Variants in ABCC4 observed in about 807,000 individuals in gnomAD.
ABCC4 encodes ATP-binding cassette sub-family C member 4.
ABCC4 carries 102 observed loss-of-function variants against 168.5 expected under a neutral mutation model. The ratio of observed to expected loss-of-function variants is 0.61; its 90% CI spans 0.52 to 0.71. ABCC4 has a LOEUF of 0.71. Ranked by LOEUF, ABCC4 falls within the 30% of genes least tolerant of loss-of-function variation. The probability of loss-of-function intolerance (pLI) is 0.00; values close to 1 mark genes in which losing one functional copy is unlikely to be tolerated. For synonymous variants in ABCC4, 617 were observed against 590.7 expected (o/e 1.04, Z -0.65); for missense variants, 1,402 against 1,605.8 (o/e 0.87, Z 2.17).
At chr13:95,296,667 C>T (rs7982930) in intron 1 of ABCC4, among the ~76,000 whole-genome samples, 2,656 of 152,272 alleles carry the variant, frequency 0.017, 69 homozygotes, top group African/African-American at 0.059. Context: ...CGTTGTTAGC[C>T]TCCACCCTGC....
At chr13:95,117,072 A>C (rs2035402995) in intron 19 of ABCC4, among the ~76,000 whole-genome samples, 1 of 152,164 alleles carries the variant, frequency 6.6e-6, no homozygotes, top group South Asian at 2.1e-4. Flanking sequence ...CCAGCTGGCC[A>C]AGAAGCACAG....
intron 19 of ABCC4, among the ~76,000 whole-genome samples, chr13:95,140,155 G>A (rs1443537778): frequency 6.6e-6 from 1 of 152,164 alleles, no homozygotes; most frequent in Non-Finnish European, 1.5e-5. Flanking sequence ...TGAAGTTTCA[G>A]CGCTAGCCCA....
intron 19 of ABCC4, among the ~76,000 whole-genome samples, chr13:95,139,056 C>T (rs1313729180): frequency 6.6e-6 from 1 of 152,212 alleles, no homozygotes; most frequent in Non-Finnish European, 1.5e-5. Flanking sequence ...GGAGCCAATC[C>T]CAAGCCCAGC....
intron 1 of ABCC4, among the ~76,000 whole-genome samples, chr13:95,295,621 G>A (rs924389520): frequency 5.9e-5 from 9 of 151,750 alleles, no homozygotes; most frequent in East Asian, 1.9e-4. Context: ...TCACGCCACC[G>A]CACTCCAGAC....
intron 14 of ABCC4, among the ~76,000 whole-genome samples, chr13:95,168,867 C>T (rs1451426738): frequency 2.6e-5 from 4 of 152,194 alleles, no homozygotes; most frequent in African/African-American, 4.8e-5. Flanking sequence ...ATGTTCGAGT[C>T]CTAAATCCTG....
At chr13:95,062,913 A>C in intron 25 of ABCC4, 54 bp from the exon 26 acceptor site, 1 of 1,555,990 alleles carries the variant, frequency 6.4e-7, no homozygotes, top group Non-Finnish European at 8.7e-7. Flanking sequence ...AAATCACAGG[A>C]TGCAGCAAAA....
At chr13:95,284,487 C>A (rs1013873178) in intron 1 of ABCC4, among the ~76,000 whole-genome samples, 2 of 152,206 alleles carry the variant, frequency 1.3e-5, no homozygotes, top group African/African-American at 4.8e-5. Context: ...CCTTGCCCAG[C>A]CAACTGAGCC....
intron 25 of ABCC4, among the ~76,000 whole-genome samples, chr13:95,069,606 A>G (rs1429032998): frequency 6.6e-6 from 1 of 152,150 alleles, no homozygotes; most frequent in Non-Finnish European, 1.5e-5. Flanking sequence ...CCCATTAAAC[A>G]CTAATGCCCA....
chr13:95,116,054 G>A (rs559792636), intron 19 of ABCC4, 53 bp from the exon 20 acceptor site: 5 of 1,333,944 alleles, frequency 3.7e-6, no homozygotes. Flanking sequence ...GACCCTTTAA[G>A]AGAAACAATT....
At chr13:95,205,502 C>T (rs2038754027) in intron 8 of ABCC4, among the ~76,000 whole-genome samples, 1 of 152,184 alleles carries the variant, frequency 6.6e-6, no homozygotes, top group Admixed American at 6.5e-5. Flanking sequence ...TCTCACAAAG[C>T]CAATTTATTT....
intron 4 of ABCC4, among the ~76,000 whole-genome samples, chr13:95,230,808 A>T (rs952341432): frequency 6.6e-6 from 1 of 152,140 alleles, no homozygotes; most frequent in African/African-American, 2.4e-5. Context: ...AAATGCAAGG[A>T]CTCAAAGAGA....
At chr13:95,147,638 GA>G (rs1403995775) in intron 19 of ABCC4, among the ~76,000 whole-genome samples, 3 of 152,108 alleles carry the variant, frequency 2.0e-5, no homozygotes, top group Non-Finnish European at 4.4e-5. Flanking sequence ...TGAATACATA[GA>G]ATTTATACAT....
chr13:95,225,035 A>G (rs935781590), intron 4 of ABCC4, among the ~76,000 whole-genome samples: 2 of 152,046 alleles, frequency 1.3e-5, no homozygotes, highest in African/African-American at 4.8e-5. Flanking sequence ...GTCAGGATGC[A>G]AAAAGTTCAT....
At chr13:95,277,071 A>C (rs2040990415) in intron 1 of ABCC4, among the ~76,000 whole-genome samples, 2 of 152,108 alleles carry the variant, frequency 1.3e-5, no homozygotes, top group South Asian at 4.1e-4. Flanking sequence ...CCCACAACTC[A>C]CTTTTTTTTC....
intron 20 of ABCC4, among the ~76,000 whole-genome samples, chr13:95,089,564 G>A (rs889075575): frequency 2.6e-5 from 4 of 152,172 alleles, no homozygotes; most frequent in Non-Finnish European, 5.9e-5. Flanking sequence ...TCACGCCACT[G>A]CACTCCAGCT....
chr13:95,191,495 C>T (rs991241463), intron 9 of ABCC4, among the ~76,000 whole-genome samples: 6 of 152,092 alleles, frequency 3.9e-5, no homozygotes, highest in African/African-American at 1.2e-4. Flanking sequence ...AAAAGTAATA[C>T]ATTACCTAAA....
At chr13:95,219,031 GA>G (rs1480249619) in intron 4 of ABCC4, among the ~76,000 whole-genome samples, 1 of 150,332 alleles carries the variant, frequency 6.7e-6, no homozygotes, top group African/African-American at 2.4e-5. Flanking sequence ...GGAAGGAAAA[GA>G]AAAGAAAGGG....
intron 26 of ABCC4, among the ~76,000 whole-genome samples, chr13:95,058,271 G>T (rs527524854): frequency 6.6e-6 from 1 of 152,048 alleles, no homozygotes; most frequent in Non-Finnish European, 1.5e-5. Context: ...GCTCTCTTTG[G>T]TTATGGCTTC....
intron 21 of ABCC4, 31 bp from the exon 22 acceptor site, chr13:95,075,582 T>C: frequency 6.2e-7 from 1 of 1,613,030 alleles, no homozygotes; most frequent in Non-Finnish European, 8.5e-7. Context: ...AACAGCTCAG[T>C]GAGGCTGGGT....
Sources: allele counts gnomAD v4.1 joint callset (sites outside exome capture counted in the v4.1 genomes callset), GRCh38; gene constraint gnomAD v4.1.1; transcripts MANE v1.5; gene names NCBI Gene and HGNC (gene_info 2026-07-23, HGNC 2026-07-21).